The following PIK3R6 variants were observed in gnomAD, a reference collection of about 807,000 sequenced individuals.
PIK3R6 encodes phosphoinositide-3-kinase regulatory subunit 6.
PIK3R6 carries 91 observed loss-of-function variants against 84.9 expected under a neutral mutation model. The observed-to-expected ratio is 1.07, with a 90% CI of 0.90 to 1.28. The LOEUF is 1.28. Ranked by LOEUF, PIK3R6 falls within the 50% of genes most tolerant of loss-of-function variation. The probability of loss-of-function intolerance (pLI) is 0.00; values close to 1 mark genes in which losing one functional copy is unlikely to be tolerated. For missense variants in PIK3R6, 996 were observed against 985.1 expected (o/e 1.01, Z -0.15); for synonymous variants, 416 against 411.4 (o/e 1.01, Z -0.13).
intron 15 of PIK3R6, 82 bp downstream of exon 15, chr17:8,822,914 T>A (rs1318562820): frequency 5.9e-6 from 7 of 1,186,760 alleles, no homozygotes; most frequent in Non-Finnish European, 8.9e-6. Flanking sequence ...CGTGCAGGCA[T>A]CATCAGGTGA....
intron 1 of PIK3R6, among the ~76,000 whole-genome samples, chr17:8,854,888 T>A (rs2089083334): frequency 6.6e-6 from 1 of 152,160 alleles, no homozygotes; most frequent in Non-Finnish European, 1.5e-5. Flanking sequence ...TTATGACAGA[T>A]ACCTTTAACA....
chr17:8,849,805 G>C lies in PIK3R6; in HGVS notation c.-11C>G, dbSNP rs1366806595. ...ACCTGAGCTCTCCATGGGAGCCTTT[G>C]GGTGTAGGAGGAGGAGGATGTGGTT... On this transcript the variant is annotated 5_prime_UTR_variant, in exon 2 of 20. Transcript: ENST00000619866. 4 of 1,611,548 alleles carry C rather than the reference G, an allele frequency of 2.5e-6. No individual in the cohort carries two copies. The African/African-American group carries it at 4.0e-5, about 16-fold the overall frequency.
chr17:8,860,267 G>T (rs184633077), intron 1 of PIK3R6, among the ~76,000 whole-genome samples: 29 of 150,804 alleles, frequency 1.9e-4, no homozygotes, highest in African/African-American at 7.0e-4. Context: ...CACCAGGACC[G>T]CCTGAGCTCC....
chr17:8,834,282 A>T (rs905676187), intron 8 of PIK3R6, among the ~76,000 whole-genome samples: 1 of 152,090 alleles, frequency 6.6e-6, no homozygotes, highest in African/African-American at 2.4e-5. Flanking sequence ...GTTGGGAGAC[A>T]AATGAGGAGG....
At chr17:8,818,275 C>T (rs2087609330) in intron 18 of PIK3R6, among the ~76,000 whole-genome samples, 1 of 152,146 alleles carries the variant, frequency 6.6e-6, no homozygotes, top group Non-Finnish European at 1.5e-5. Flanking sequence ...AATCATGGGG[C>T]ACCAAAGCCA....
intron 18 of PIK3R6, among the ~76,000 whole-genome samples, chr17:8,812,699 G>C (rs952330883): frequency 6.6e-6 from 1 of 152,144 alleles, no homozygotes; most frequent in Non-Finnish European, 1.5e-5. Flanking sequence ...AAAAATTTTT[G>C]AAATGAATGA....
At chr17:8,854,306 G>A (rs1435565893) in intron 1 of PIK3R6, among the ~76,000 whole-genome samples, 2 of 152,030 alleles carry the variant, frequency 1.3e-5, no homozygotes, top group African/African-American at 2.4e-5. Context: ...ACGCCACCAT[G>A]CCCAGGTAAT....
At chr17:8,836,444 T>G in intron 7 of PIK3R6, 103 bp downstream of exon 7, 1 of 1,289,770 alleles carries the variant, frequency 7.8e-7, no homozygotes, top group African/African-American at 1.5e-5. Flanking sequence ...GCTAGGGCTC[T>G]TCTTAATCCA....
rs946437808 is a variant in PIK3R6, at chr17:8,862,311, G to T, written c.-92+5218C>A. Among the ~76,000 whole-genome samples the T allele has an allele frequency of 1.3e-5, 2 of 152,190 alleles. No homozygotes were observed. The highest frequency in any genetic ancestry group is 2.9e-5 in the Non-Finnish European group (2 of 68,028). On this transcript the variant is annotated intron_variant, in intron 1 of 19. Transcript: ENST00000619866. This position sits in a 1 kb window ranked among gnomAD's most constrained non-coding sequence, Gnocchi z 4.3. ...CACATGGAAGGCCCTTGATAAATAT[G>T]CTCGAATGAATGAATGTCAGGCACT...
At chr17:8,851,870 C>T (rs1450600900) in intron 1 of PIK3R6, among the ~76,000 whole-genome samples, 2 of 152,138 alleles carry the variant, frequency 1.3e-5, no homozygotes, top group South Asian at 2.1e-4. Flanking sequence ...CTCAAATGTC[C>T]ATCAACAGAG....
chr17:8,845,631 A>G (rs2088797681), intron 2 of PIK3R6, among the ~76,000 whole-genome samples: 1 of 152,044 alleles, frequency 6.6e-6, no homozygotes, highest in African/African-American at 2.4e-5. Context: ...CTCTGTTGAT[A>G]ATTTATTTTG....
chr17:8,808,761 C>A (rs2087273606), intron 18 of PIK3R6, among the ~76,000 whole-genome samples: 1 of 151,998 alleles, frequency 6.6e-6, no homozygotes, highest in Non-Finnish European at 1.5e-5. Flanking sequence ...AAGAAGTGAG[C>A]CATGGATAGA....
At chr17:8,818,416 C>A (rs536500735) in intron 18 of PIK3R6, among the ~76,000 whole-genome samples, 1 of 152,034 alleles carries the variant, frequency 6.6e-6, no homozygotes, top group African/African-American at 2.4e-5. Flanking sequence ...TGGGAGGCTG[C>A]GGCAGGTGCA....
At chr17:8,853,420 G>A (rs1335750961) in intron 1 of PIK3R6, among the ~76,000 whole-genome samples, 1 of 148,598 alleles carries the variant, frequency 6.7e-6, no homozygotes, top group Admixed American at 6.8e-5. Context: ...GGGCAGTGGA[G>A]CTTGCAGTGA....
rs562949740 is a variant in PIK3R6 at position 8,814,651 on chromosome 17, G to GA, written c.1995+4431dup. On this transcript the variant is annotated intron_variant, in intron 18 of 19. Transcript: ENST00000619866. ...GAAATGACAAAGAAGGACAATGGGAGAAAAAAGATGAGAAAATTAGAGCAT... is the reference window on the plus strand; with the variant it reads ...GAAATGACAAAGAAGGACAATGGGAGAAAAAAAGATGAGAAAATTAGAGCAT... 3.6e-3 allele frequency among the ~76,000 whole-genome samples: 552 copies of GA among 152,154 alleles called. 2 individuals are homozygous for GA. Among genetic ancestry groups the GA allele is most frequent in the African/African-American group, 0.013 (522 of 41,512 alleles).
intron 18 of PIK3R6, 89 bp downstream of exon 18, chr17:8,818,994 C>G: frequency 1.0e-6 from 1 of 972,698 alleles, no homozygotes; most frequent in South Asian, 1.8e-5. Context: ...AGTCAGTTCC[C>G]TTCTCTGAAT....
At chr17:8,819,292 A>C (rs1597386548) in intron 17 of PIK3R6, 94 bp from the exon 18 acceptor site, 1 of 881,544 alleles carries the variant, frequency 1.1e-6, no homozygotes. Flanking sequence ...CCATCTTGAC[A>C]CCCCCAGCCC....
In PIK3R6 at chr17:8,823,476, G is replaced by C. The variant is rs367585063; in HGVS notation, c.1537C>G (p.Arg513Gly). Residue 513 changes from arginine (R) to glycine (G), a missense_variant, in exon 14 of 20, where the codon CGG becomes GGG. Coordinates refer to ENST00000619866, the MANE Select transcript of PIK3R6 (RefSeq NM_001010855.4). ...AEMPPSLDTS[R>G]TVDPFILDVI... Reference sequence around the variant, plus strand: ...TCTAGGATGAAGGGGTCCACAGTCCGGGATGTGTCCAGGGAAGGAGGCTGT... The same window carrying C: ...TCTAGGATGAAGGGGTCCACAGTCCCGGATGTGTCCAGGGAAGGAGGCTGT... The C allele has an allele frequency of 6.2e-7, 1 of 1,611,898 alleles. No individual in the cohort carries two copies. Among genetic ancestry groups the C allele is most frequent in the East Asian group, 2.2e-5 (1 of 44,850 alleles).
intron 2 of PIK3R6, among the ~76,000 whole-genome samples, chr17:8,846,226 C>T (rs1282684920): frequency 6.6e-6 from 1 of 152,124 alleles, no homozygotes; most frequent in Admixed American, 6.5e-5. Flanking sequence ...AAGTCCTTTC[C>T]CCATTGCTTA....
Sources: allele counts gnomAD v4.1 joint callset (sites outside exome capture counted in the v4.1 genomes callset), GRCh38; gene constraint gnomAD v4.1.1; non-coding constraint Gnocchi (gnomAD v3.1); transcripts MANE v1.5; gene names NCBI Gene and HGNC (gene_info 2026-07-23, HGNC 2026-07-21).